LRRC4C: variants seen among roughly 807,000 people sequenced by gnomAD.
LRRC4C encodes leucine rich repeat containing 4C.
A neutral mutation model predicts 33.6 loss-of-function variants in LRRC4C; 5 were observed. That is an observed-to-expected ratio of 0.15 (90% CI 0.08 to 0.31). The LOEUF is 0.31. Ranked by LOEUF, LRRC4C falls within the 10% of genes least tolerant of loss-of-function variation. LRRC4C has a pLI of 1.00. For synonymous variants in LRRC4C, 329 were observed against 302.0 expected (o/e 1.09, Z -0.93); for missense variants, 560 against 796.7 (o/e 0.70, Z 3.58).
At position 40,590,349 on chromosome 11, in the gene LRRC4C, A is replaced by G. The variant is rs138155872; in HGVS notation, c.-270+57793T>C. 2.5e-4 allele frequency among the ~76,000 whole-genome samples: 34 copies of G among 133,694 alleles called. 1 individual carries two copies. Among genetic ancestry groups the G allele is most frequent in the African/African-American group, 8.4e-4 (32 of 38,158 alleles). The allele number at this position is 133,694 out of a possible 152,430, so 87.7% of individuals were successfully genotyped here. A position where few individuals can be genotyped will look rare whatever the true frequency, so the allele number is the denominator to read the frequency against. On this transcript the variant is annotated intron_variant, in intron 3 of 6. Coordinates refer to ENST00000528697, the MANE Select transcript of LRRC4C (RefSeq NM_001258419.2). ...TCCATCAGCTCCTTTAAGCACTTCT[A>G]TGTATTGGTTATTCTACTTATACAT...
chr11:41,079,226 A>T (rs543913257), intron 1 of LRRC4C, among the ~76,000 whole-genome samples: 5 of 152,278 alleles, frequency 3.3e-5, no homozygotes, highest in Admixed American at 3.3e-4. Flanking sequence ...GGAGGGTCAG[A>T]TTGCTTTGTA....
intron 4 of LRRC4C, among the ~76,000 whole-genome samples, chr11:40,283,591 G>T (rs1262931565): frequency 6.6e-6 from 1 of 151,506 alleles, no homozygotes; most frequent in Admixed American, 6.6e-5. Context: ...TGTTAGATCA[G>T]GCCACTCATT....
chr11:41,063,118 ATGAAG>A (rs1370490344), intron 1 of LRRC4C, among the ~76,000 whole-genome samples: 2 of 152,248 alleles, frequency 1.3e-5, no homozygotes, highest in Non-Finnish European at 2.9e-5. Context: ...TAAGGAATCA[ATGAAG>A]TGAATAAATT....
At position 40,962,081 on chromosome 11, in the gene LRRC4C, C is replaced by G. The variant is rs115351127; in HGVS notation, c.-495-28358G>C. Among the ~76,000 whole-genome samples the G allele has an allele frequency of 1.6e-3, 242 of 151,632 alleles. 1 individual carries two copies. Among genetic ancestry groups the G allele is most frequent in the African/African-American group, 5.7e-3 (235 of 41,446 alleles). On this transcript the variant is annotated intron_variant, in intron 1 of 6. Coordinates refer to ENST00000528697, the MANE Select transcript of LRRC4C (RefSeq NM_001258419.2). ...CTCAAAGATAATCCATGTCCTGATG[C>G]CCCAGACCTGTCAATATGTTAGTTT...
In LRRC4C at chr11:41,387,920, T is replaced by C. The variant is rs530275965; in HGVS notation, c.-496+71511A>G. Among the ~76,000 whole-genome samples, 6 of 151,932 alleles carry C rather than the reference T, an allele frequency of 3.9e-5. No individual in the cohort carries two copies. In the South Asian group the frequency reaches 1.2e-3, roughly 31 times the overall value. On this transcript the variant is annotated intron_variant, in intron 1 of 6. Coordinates refer to ENST00000528697, the MANE Select transcript of LRRC4C (RefSeq NM_001258419.2). ...TAATCACAGTGCAAGATTTGACACA[T>C]TTAGTTCATTCTCACAATCTCTTTT...
chr11:40,719,993 G>C (rs1475003720), intron 2 of LRRC4C, among the ~76,000 whole-genome samples: 1 of 152,142 alleles, frequency 6.6e-6, no homozygotes, highest in Non-Finnish European at 1.5e-5. Flanking sequence ...ATTGGGAAGT[G>C]AGTAGTTTGC....
intron 1 of LRRC4C, among the ~76,000 whole-genome samples, chr11:41,357,399 C>G (rs1313811866): frequency 6.6e-6 from 1 of 152,048 alleles, no homozygotes; most frequent in Non-Finnish European, 1.5e-5. Context: ...CCTATTCTAA[C>G]AAAAATTAGA....
intron 1 of LRRC4C, among the ~76,000 whole-genome samples, chr11:41,058,752 G>A (rs7941817): frequency 0.15 from 23,538 of 152,174 alleles, 1,981 homozygotes; most frequent in East Asian, 0.21. Flanking sequence ...GAAGAAACAT[G>A]CACATATATG....
intron 3 of LRRC4C, among the ~76,000 whole-genome samples, chr11:40,605,615 AAAG>A (rs1207385014): frequency 2.6e-5 from 4 of 152,186 alleles, no homozygotes; most frequent in African/African-American, 9.7e-5. Context: ...TGGGGGAAGA[AAAG>A]AAAAGACAGA....
intron 1 of LRRC4C, among the ~76,000 whole-genome samples, chr11:41,040,178 G>A (rs1857347118): frequency 6.6e-6 from 1 of 151,404 alleles, no homozygotes; most frequent in South Asian, 2.1e-4. Flanking sequence ...AACTGGTTTA[G>A]GGGATGTACA....
chr11:40,614,721 T>G (rs147130835), intron 3 of LRRC4C, among the ~76,000 whole-genome samples: 2 of 151,796 alleles, frequency 1.3e-5, no homozygotes, highest in South Asian at 2.1e-4. Flanking sequence ...ATTTGAACAC[T>G]TAGAGGTCAC....
chr11:41,226,741 T>TACACACACACACACACACAC (rs59285418), intron 1 of LRRC4C, among the ~76,000 whole-genome samples: 144 of 137,144 alleles, frequency 1.0e-3, no homozygotes, highest in East Asian at 3.1e-3. Flanking sequence ...TCCTTACCAT[T>TACACACACACACACACACAC]ACACACACAC....
chr11:40,190,598 A>G (rs1044061376), intron 5 of LRRC4C, among the ~76,000 whole-genome samples: 4 of 152,184 alleles, frequency 2.6e-5, no homozygotes, highest in African/African-American at 9.7e-5. Flanking sequence ...TCGAAAAGTC[A>G]CCGTCTTGCT....
chr11:41,119,661 A>G lies in LRRC4C; in HGVS notation c.-495-185938T>C, dbSNP rs78371916. ...GCCAATGAAAGTTAGAAGAGTAATG[A>G]ACTAAAACCTTATGTTTGCTACCAG... On this transcript the variant is annotated intron_variant, in intron 1 of 6. Transcript: ENST00000528697. 9.3e-3 allele frequency among the ~76,000 whole-genome samples: 1,419 copies of G among 152,246 alleles called. 20 individuals carry two copies. Among genetic ancestry groups the G allele is most frequent in the African/African-American group, 0.033 (1,372 of 41,538 alleles).
chr11:40,199,716 A>T (rs1862547959), intron 5 of LRRC4C, among the ~76,000 whole-genome samples: 1 of 152,138 alleles, frequency 6.6e-6, no homozygotes, highest in African/African-American at 2.4e-5. Flanking sequence ...ATCTGATTAT[A>T]TATTTTTTTA....
At chr11:41,382,618 T>C (rs1013409051) in intron 1 of LRRC4C, among the ~76,000 whole-genome samples, 6 of 152,046 alleles carry the variant, frequency 3.9e-5, no homozygotes, top group Non-Finnish European at 8.8e-5. Context: ...GGTCTGAAAT[T>C]TCAGTGAGAA....
chr11:41,027,313 T>C (rs1856443214), intron 1 of LRRC4C, among the ~76,000 whole-genome samples: 1 of 151,554 alleles, frequency 6.6e-6, no homozygotes, highest in Non-Finnish European at 1.5e-5. Flanking sequence ...TACCGGAGGG[T>C]ACTTGACCTT....
chr11:41,167,398 C>T (rs540067793), intron 1 of LRRC4C, among the ~76,000 whole-genome samples: 7 of 152,128 alleles, frequency 4.6e-5, no homozygotes, highest in Non-Finnish European at 1.0e-4. Context: ...GGAGAGAGAA[C>T]ATAGACTGCC....
chr11:40,255,855 T>C (rs1867164849), intron 4 of LRRC4C, among the ~76,000 whole-genome samples: 1 of 152,208 alleles, frequency 6.6e-6, no homozygotes, highest in Non-Finnish European at 1.5e-5. Flanking sequence ...GGGAGACAAC[T>C]AAGTCTTTAA....
Sources: allele counts gnomAD v4.1 joint callset (sites outside exome capture counted in the v4.1 genomes callset), GRCh38; gene constraint gnomAD v4.1.1; transcripts MANE v1.5; gene names NCBI Gene and HGNC (gene_info 2026-07-23, HGNC 2026-07-21).